The following NEK1 variants were observed in gnomAD, a reference collection of about 807,000 sequenced individuals.
NEK1 encodes serine/threonine-protein kinase Nek1.
In NEK1, 137 loss-of-function variants were observed where a neutral mutation model predicts 182.1. The observed-to-expected ratio is 0.75, with a 90% CI of 0.65 to 0.87. The LOEUF (loss-of-function observed/expected upper bound fraction) is 0.87. NEK1 is among the 40% of genes least tolerant of loss of function. The probability of loss-of-function intolerance (pLI) is 0.00; values close to 1 mark genes in which losing one functional copy is unlikely to be tolerated. For synonymous variants in NEK1, 513 were observed against 492.2 expected (o/e 1.04, Z -0.56); for missense variants, 1,391 against 1,494.4 (o/e 0.93, Z 1.14).
chr4:169,513,752 GAC>G (rs1754586366), intron 19 of NEK1, among the ~76,000 whole-genome samples: 1 of 152,122 alleles, frequency 6.6e-6, no homozygotes, highest in African/African-American at 2.4e-5. Flanking sequence ...CTAGTGTGCT[GAC>G]AGTTATTATT....
In NEK1 at chr4:169,591,154, C is replaced by A. The variant is rs546865749; in HGVS notation, c.313-345G>T. On this transcript the variant is annotated intron_variant, in intron 5 of 35. Transcript: ENST00000507142. ...TCTTTTTTCTATAACGCCCCCCCCC[C>A]ACTTCTTTAGGGATAGGGTCTTGCT... Among the ~76,000 whole-genome samples the A allele has an allele frequency of 2.8e-3, 421 of 149,576 alleles. 9 individuals carry two copies. Among genetic ancestry groups the A allele is most frequent in the African/African-American group, 9.8e-3 (391 of 39,914 alleles).
At chr4:169,421,153 A>C (rs1298643991) in intron 31 of NEK1, among the ~76,000 whole-genome samples, 1 of 152,198 alleles carries the variant, frequency 6.6e-6, no homozygotes, top group Non-Finnish European at 1.5e-5. Context: ...TTCATTAAGA[A>C]GACATATTGA....
Position 169,555,575 on chromosome 4 carries a change from C to A in NEK1, c.1562+145G>T, listed in dbSNP as rs186143347. The A allele has an allele frequency of 1.0e-4, 104 of 1,019,602 alleles. No individual in the cohort carries two copies. In the East Asian group the frequency reaches 2.6e-3, roughly 25 times the overall value. 63.2% of individuals were successfully genotyped at this position (1,019,602 alleles called of 1,614,324 possible). ...AGAGTAATCAAGGGCCAAATTTGCACCTCAGAAAATTATTGTACCCAAGAG... is the reference window on the plus strand; with the variant it reads ...AGAGTAATCAAGGGCCAAATTTGCAACTCAGAAAATTATTGTACCCAAGAG... On this transcript the variant is annotated intron_variant, in intron 18 of 35. Coordinates refer to ENST00000507142, the MANE Select transcript of NEK1 (RefSeq NM_001199397.3).
intron 23 of NEK1, among the ~76,000 whole-genome samples, chr4:169,485,970 C>T (rs1395833368): frequency 1.3e-5 from 2 of 152,080 alleles, no homozygotes; most frequent in East Asian, 3.9e-4. Flanking sequence ...CCCTTGAGCC[C>T]AGCAGGTCGA....
chr4:169,404,115 G>A (rs947416439), intron 32 of NEK1, among the ~76,000 whole-genome samples: 1 of 152,032 alleles, frequency 6.6e-6, no homozygotes, highest in Non-Finnish European at 1.5e-5. Flanking sequence ...CAAATAAGCT[G>A]TAGTTCATTC....
chr4:169,412,529 C>A (rs1269883266), intron 31 of NEK1, among the ~76,000 whole-genome samples: 1 of 152,152 alleles, frequency 6.6e-6, no homozygotes, highest in African/African-American at 2.4e-5. Flanking sequence ...TTATCTTCTA[C>A]TATTGGACTT....
intron 19 of NEK1, among the ~76,000 whole-genome samples, chr4:169,524,487 T>C (rs558755332): frequency 6.1e-4 from 81 of 132,052 alleles, no homozygotes; most frequent in African/African-American, 2.2e-3. Context: ...AAAAGAAAAA[T>C]GTTGAATGAA....
chr4:169,605,364 T>A (rs1771166124), intron 2 of NEK1, among the ~76,000 whole-genome samples: 1 of 152,110 alleles, frequency 6.6e-6, no homozygotes, highest in African/African-American at 2.4e-5. Flanking sequence ...ATCAAATATG[T>A]CAAATGCAGA....
At chr4:169,498,155 A>G (rs932825672) in intron 23 of NEK1, among the ~76,000 whole-genome samples, 1 of 152,220 alleles carries the variant, frequency 6.6e-6, no homozygotes, top group African/African-American at 2.4e-5. Flanking sequence ...CTTTACAATT[A>G]TGTAATGGCC....
At chr4:169,431,717 C>A (rs1316031934) in intron 29 of NEK1, among the ~76,000 whole-genome samples, 1 of 151,366 alleles carries the variant, frequency 6.6e-6, no homozygotes, top group African/African-American at 2.4e-5. Context: ...TTGTTTCAGG[C>A]CAGGAGTTTG....
chr4:169,435,808 C>A (rs955596351), intron 28 of NEK1, among the ~76,000 whole-genome samples: 1 of 152,196 alleles, frequency 6.6e-6, no homozygotes, highest in South Asian at 2.1e-4. Flanking sequence ...AAAAGCCCAG[C>A]TGATGGCTGA....
chr4:169,429,238 T>G (rs185436433), intron 29 of NEK1, among the ~76,000 whole-genome samples: 2 of 152,302 alleles, frequency 1.3e-5, no homozygotes, highest in Admixed American at 1.3e-4. Context: ...CACAGCAGTA[T>G]TTTTAGCTAT....
chr4:169,467,383 T>C (rs750357415), intron 26 of NEK1, among the ~76,000 whole-genome samples: 2 of 152,118 alleles, frequency 1.3e-5, no homozygotes, highest in African/African-American at 2.4e-5. Flanking sequence ...TATAACTCAA[T>C]TGAAGATAGG....
intron 2 of NEK1, among the ~76,000 whole-genome samples, chr4:169,610,353 G>A (rs925005694): frequency 1.3e-5 from 2 of 150,674 alleles, no homozygotes; most frequent in Non-Finnish European, 1.5e-5. Flanking sequence ...TCACTCAGTC[G>A]CCCAGGCTAC....
chr4:169,479,509 G>A lies in NEK1; in HGVS notation c.2033C>T (p.Ser678Phe), dbSNP rs200169770. 14 of 1,609,114 alleles carry A rather than the reference G, an allele frequency of 8.7e-6. No homozygotes were observed. In the African/African-American group the frequency reaches 1.6e-4, roughly 18 times the overall value. The stretch of plus-strand genomic sequence containing the variant: ...CTGTCCCAAAGGTGGAGAAACATCA[G>A]AACTCTTAACTCCTTTAGCCACCAA... The part of the protein sequence containing the change: ...EHLVAKGVKS[S>F]DVSPPLGQHE... The change falls in exon 24 of 36, where the codon TCT becomes TTT. Residue 678 changes from serine to phenylalanine, a missense_variant. Transcript: ENST00000507142.
intron 29 of NEK1, among the ~76,000 whole-genome samples, chr4:169,431,879 T>C (rs1482368793): frequency 6.6e-6 from 1 of 151,434 alleles, no homozygotes; most frequent in Non-Finnish European, 1.5e-5. Context: ...ATAAATATGA[T>C]AACAATAAAA....
intron 26 of NEK1, among the ~76,000 whole-genome samples, chr4:169,468,011 T>C (rs1412141579): frequency 3.9e-5 from 6 of 152,092 alleles, no homozygotes; most frequent in African/African-American, 1.4e-4. Flanking sequence ...AGGATAAAGA[T>C]ATACCAGGTT....
At chr4:169,494,343 G>A (rs1162423605) in intron 23 of NEK1, among the ~76,000 whole-genome samples, 1 of 152,068 alleles carries the variant, frequency 6.6e-6, no homozygotes, top group Non-Finnish European at 1.5e-5. Context: ...GTGAGAACAT[G>A]CAGTGTTTGG....
chr4:169,575,659 T>A (rs1046163381), intron 12 of NEK1, among the ~76,000 whole-genome samples: 27 of 152,198 alleles, frequency 1.8e-4, no homozygotes, highest in African/African-American at 5.8e-4. Flanking sequence ...GGCTTCCCAG[T>A]ACATTCTACT....
Sources: gnomAD v4.1 joint callset for allele counts (sites outside exome capture counted in the v4.1 genomes callset) on GRCh38, gnomAD v4.1.1 for gene constraint, MANE v1.5 for transcripts, NCBI Gene and HGNC (gene_info 2026-07-23, HGNC 2026-07-21) for gene names.